Variants in NSMCE2 observed in about 807,000 individuals in gnomAD.
NSMCE2 encodes the protein E3 SUMO-protein ligase NSE2.
Under a neutral mutation model 23.8 loss-of-function variants are expected in NSMCE2, and 24 were observed. That is an observed-to-expected ratio of 1.01 (90% CI 0.73 to 1.42). The LOEUF is 1.42. Among genes scored for constraint, NSMCE2 ranks in the 40% most tolerant of loss-of-function variants. The pLI, the probability that NSMCE2 is intolerant of heterozygous loss-of-function variation, is 0.00. For missense variants in NSMCE2, 284 were observed against 296.5 expected, an observed-to-expected ratio of 0.96 and a Z score of 0.31; for synonymous variants, 92 against 94.1, an observed-to-expected ratio of 0.98 and a Z score of 0.13.
At chr8:125,228,082 T>C (rs1825176329) in intron 5 of NSMCE2, among the ~76,000 whole-genome samples, 1 of 152,192 alleles carries the variant, frequency 6.6e-6, no homozygotes, top group Non-Finnish European at 1.5e-5. Context: ...AAAAATAGTA[T>C]CTTATACTAT....
intron 5 of NSMCE2, among the ~76,000 whole-genome samples, chr8:125,298,573 A>AC (rs549888363): frequency 2.4e-3 from 358 of 151,830 alleles, no homozygotes; most frequent in African/African-American, 7.7e-3. Flanking sequence ...AACCATCTCC[A>AC]CTTTTGTTTC....
chr8:125,102,554 G>A, intron 3 of NSMCE2, 67 bp downstream of exon 3: 1 of 1,345,966 alleles, frequency 7.4e-7, no homozygotes, highest in Non-Finnish European at 1.1e-6. Context: ...ATTTATCTGG[G>A]GGTGCCTTTT....
intron 5 of NSMCE2, among the ~76,000 whole-genome samples, chr8:125,261,359 A>C (rs1826684650): frequency 6.6e-6 from 1 of 152,248 alleles, no homozygotes; most frequent in African/African-American, 2.4e-5. Context: ...ATTCAAATTT[A>C]GTCGAGATCC....
intron 5 of NSMCE2, among the ~76,000 whole-genome samples, chr8:125,326,591 T>C (rs778395804): frequency 6.6e-6 from 1 of 152,184 alleles, no homozygotes; most frequent in African/African-American, 2.4e-5. Flanking sequence ...TTATTCACTT[T>C]TGTTGAATTT....
intron 5 of NSMCE2, among the ~76,000 whole-genome samples, chr8:125,319,802 T>G (rs139714861): frequency 6.6e-6 from 1 of 152,174 alleles, no homozygotes; most frequent in Admixed American, 6.5e-5. Context: ...TAGTGAAGTC[T>G]GGACAGTCTC....
intron 5 of NSMCE2, among the ~76,000 whole-genome samples, chr8:125,198,784 C>A (rs1823739924): frequency 6.6e-6 from 1 of 152,188 alleles, no homozygotes; most frequent in African/African-American, 2.4e-5. Flanking sequence ...CTTTGTACCT[C>A]TGGTAGAATT....
At chr8:125,355,776 A>G in intron 5 of NSMCE2, among the ~76,000 whole-genome samples, 1 of 151,806 alleles carries the variant, frequency 6.6e-6, no homozygotes, top group Non-Finnish European at 1.5e-5. Context: ...CTTCAGAGAG[A>G]ATGGCTTTCA....
At chr8:125,159,257 G>A (rs776428914) in intron 4 of NSMCE2, among the ~76,000 whole-genome samples, 6 of 152,100 alleles carry the variant, frequency 3.9e-5, no homozygotes, top group African/African-American at 4.8e-5. Flanking sequence ...GTTATTGTAG[G>A]TATGTATGTA....
chr8:125,182,536 A>G, intron 5 of NSMCE2: 1 of 461,128 alleles, frequency 2.2e-6, no homozygotes, highest in Non-Finnish European at 3.8e-6. Context: ...GAAATTGGGA[A>G]AACAAAATAA....
intron 3 of NSMCE2, among the ~76,000 whole-genome samples, chr8:125,129,838 G>T (rs1021754358): frequency 6.6e-6 from 1 of 151,842 alleles, no homozygotes; most frequent in East Asian, 1.9e-4. Context: ...ATTTACCAAA[G>T]TTGTAGATAG....
intron 3 of NSMCE2, among the ~76,000 whole-genome samples, chr8:125,106,995 CAA>C (rs1294782045): frequency 7.2e-6 from 1 of 139,074 alleles, no homozygotes; most frequent in African/African-American, 2.6e-5. Flanking sequence ...AATTCTGTCT[CAA>C]AAAAAAAACA....
chr8:125,150,999 GT>G (rs540205322), intron 3 of NSMCE2, among the ~76,000 whole-genome samples, 171 bp from the exon 4 acceptor site: 3 of 151,592 alleles, frequency 2.0e-5, no homozygotes, highest in South Asian at 2.1e-4. Context: ...TGGTGAGGAG[GT>G]TTTTTTTATT....
chr8:125,350,567 A>T (rs529335576), intron 5 of NSMCE2, among the ~76,000 whole-genome samples: 1 of 152,340 alleles, frequency 6.6e-6, no homozygotes, highest in African/African-American at 2.4e-5. Context: ...AACGTTCCAC[A>T]TGGCTGGGGA....
At chr8:125,319,426 A>G (rs1179603828) in intron 5 of NSMCE2, among the ~76,000 whole-genome samples, 1 of 152,190 alleles carries the variant, frequency 6.6e-6, no homozygotes, top group Non-Finnish European at 1.5e-5. Context: ...ATAAAAATTA[A>G]TAGGAAAGGC....
chr8:125,359,108 T>TA (rs1348691814), intron 7 of NSMCE2, among the ~76,000 whole-genome samples: 341 of 150,064 alleles, frequency 2.3e-3, no homozygotes, highest in African/African-American at 7.5e-3. Context: ...CTACTAAAAA[T>TA]AAAAAAAAAT....
At chr8:125,292,643 T>G (rs1180583905) in intron 5 of NSMCE2, among the ~76,000 whole-genome samples, 1 of 152,208 alleles carries the variant, frequency 6.6e-6, no homozygotes, top group African/African-American at 2.4e-5. Flanking sequence ...TGCCAAAATT[T>G]GAGATCATTT....
chr8:125,306,953 G>T (rs933511450), intron 5 of NSMCE2, among the ~76,000 whole-genome samples: 9 of 152,294 alleles, frequency 5.9e-5, no homozygotes, highest in Admixed American at 5.2e-4. Context: ...ACTGTACATG[G>T]CATATATAGA....
At chr8:125,125,504 T>A (rs1460254681) in intron 3 of NSMCE2, among the ~76,000 whole-genome samples, 1 of 152,208 alleles carries the variant, frequency 6.6e-6, no homozygotes. Context: ...GTGAAGGTGC[T>A]GTGATAGAAA....
rs182072501 is a variant in NSMCE2 at position 125,095,667 on chromosome 8, G to A, written c.-111+3709G>A. ...CCTAGCACTTTGGGAGGCCGAGGCC[G>A]GTGGATCACTTGAGGTCAGGAGTTT... is the stretch of plus-strand genomic sequence containing the variant. On this transcript the variant is annotated intron_variant, in intron 1 of 7. Transcript: ENST00000287437. 3.0e-3 allele frequency among the ~76,000 whole-genome samples: 453 copies of A among 152,094 alleles called. 1 individual carries two copies. Among genetic ancestry groups the A allele is most frequent in the African/African-American group, 0.01 (431 of 41,492 alleles).
Sources: allele counts gnomAD v4.1 joint callset (sites outside exome capture counted in the v4.1 genomes callset), GRCh38; gene constraint gnomAD v4.1.1; transcripts MANE v1.5; gene names NCBI Gene and HGNC (gene_info 2026-07-23, HGNC 2026-07-21).